IKZF2: variants seen among roughly 807,000 people sequenced by gnomAD.
IKZF2 encodes zinc finger protein Helios.
IKZF2 carries 15 observed loss-of-function variants against 49.2 expected under a neutral mutation model. The ratio of observed to expected loss-of-function variants is 0.30; its 90% CI spans 0.20 to 0.47. The LOEUF is 0.47. IKZF2 is among the 20% of genes least tolerant of loss of function. The pLI is 1.00. For missense variants in IKZF2, 567 were observed against 664.6 expected, an observed-to-expected ratio of 0.85 and a Z score of 1.61; for synonymous variants, 227 against 221.4, an observed-to-expected ratio of 1.03 and a Z score of -0.23.
chr2:213,035,007 C>A (rs1698861203), intron 6 of IKZF2, among the ~76,000 whole-genome samples: 1 of 152,138 alleles, frequency 6.6e-6, no homozygotes, highest in Non-Finnish European at 1.5e-5. Context: ...AATTCAGAAG[C>A]AAATAGCTTG....
In IKZF2 at chr2:213,005,185, G is replaced by T. The variant is rs1032305023; in HGVS notation, c.*2175C>A. 7.7e-6 allele frequency: 1 copy of T among 130,096 alleles called. No homozygotes were observed. Among genetic ancestry groups the T allele is most frequent in the Non-Finnish European group, 1.7e-5 (1 of 58,654 alleles). 8.1% of individuals were successfully genotyped at this position (130,096 alleles called of 1,614,324 possible). On this transcript the variant is annotated 3_prime_UTR_variant, in exon 9 of 9. Transcript: ENST00000434687. Reference sequence around the variant, plus strand: ...GCATCCCAATTATTATTTGGGAGTGGTTGGGTGGGGGGGGGTGAGCGAGTC... The same window carrying T: ...GCATCCCAATTATTATTTGGGAGTGTTTGGGTGGGGGGGGGTGAGCGAGTC...
At chr2:213,151,787 G>GACGTGCGTGCGC, upstream of IKZF2, among the ~76,000 whole-genome samples, 1 of 147,210 alleles carries the variant, frequency 6.8e-6, no homozygotes, top group East Asian at 2.0e-4. Context: ...CGGGCGAGCG[G>GACGTGCGTGCGC]ACGTGCGTGC....
Position 213,004,820 on chromosome 2 carries a change from T to A in IKZF2, c.*2540A>T, listed in dbSNP as rs1203106619. The A allele has an allele frequency of 6.6e-6, 1 of 152,366 alleles. No individual in the cohort carries two copies. Among genetic ancestry groups the A allele is most frequent in the Non-Finnish European group, 1.5e-5 (1 of 67,936 alleles). The allele number at this position is 152,366 out of a possible 1,614,324, so 9.4% of individuals were successfully genotyped here. A position where few individuals can be genotyped will look rare whatever the true frequency, so the allele number is the denominator to read the frequency against. On this transcript the variant is annotated 3_prime_UTR_variant, in exon 9 of 9. Transcript: ENST00000434687. ...CCTCATGAAGCTAGGAAGATACAAGTATATGCTTGTAGCAAATGCACTCTC... is the reference window on the plus strand; with the variant it reads ...CCTCATGAAGCTAGGAAGATACAAGAATATGCTTGTAGCAAATGCACTCTC...
chr2:213,151,836 T>A (rs1385334628), upstream of IKZF2, among the ~76,000 whole-genome samples: 1 of 148,784 alleles, frequency 6.7e-6, no homozygotes, highest in African/African-American at 2.4e-5. Context: ...CGCCTGTGCG[T>A]GTGTGTATGA....
intron 4 of IKZF2, among the ~76,000 whole-genome samples, chr2:213,061,528 A>G (rs1220745337): frequency 1.3e-5 from 2 of 151,536 alleles, no homozygotes; most frequent in East Asian, 3.9e-4. Context: ...TTTTACTCAC[A>G]TAAGAATGAA....
At chr2:213,071,855 T>C (rs1185792707) in intron 4 of IKZF2, among the ~76,000 whole-genome samples, 2 of 151,992 alleles carry the variant, frequency 1.3e-5, no homozygotes, top group Admixed American at 1.3e-4. Flanking sequence ...TAATTGTCTT[T>C]TTTCACTATG....
At chr2:213,135,648 G>A (rs73079208) in intron 4 of IKZF2, among the ~76,000 whole-genome samples, 5,543 of 150,648 alleles carry the variant, frequency 0.037, 310 homozygotes, top group African/African-American at 0.12. Context: ...TCGTGACACC[G>A]TACTCCAGCC....
At chr2:213,092,538 CAAT>C (rs1574817514) in intron 4 of IKZF2, among the ~76,000 whole-genome samples, 1 of 152,080 alleles carries the variant, frequency 6.6e-6, no homozygotes, top group African/African-American at 2.4e-5. Context: ...TATCACCCAA[CAAT>C]GTTAGTCCCC....
chr2:213,123,641 A>G (rs1481819893), intron 4 of IKZF2, among the ~76,000 whole-genome samples: 1 of 152,194 alleles, frequency 6.6e-6, no homozygotes, highest in African/African-American at 2.4e-5. Flanking sequence ...AAAGTGCTTA[A>G]AAGTAACAAT....
At chr2:213,135,883 A>G (rs994794085) in intron 4 of IKZF2, among the ~76,000 whole-genome samples, 7 of 149,964 alleles carry the variant, frequency 4.7e-5, no homozygotes, top group Non-Finnish European at 7.4e-5. Flanking sequence ...CCCCGTCTCC[A>G]CTAAAAATGC....
intron 5 of IKZF2, among the ~76,000 whole-genome samples, chr2:213,054,491 A>C (rs1386852307): frequency 6.6e-6 from 1 of 152,176 alleles, no homozygotes; most frequent in African/African-American, 2.4e-5. Flanking sequence ...TTCTAGTCTC[A>C]AAATGGTATT....
At chr2:213,054,081 T>C (rs1700926554) in intron 5 of IKZF2, among the ~76,000 whole-genome samples, 2 of 152,128 alleles carry the variant, frequency 1.3e-5, no homozygotes, top group East Asian at 1.9e-4. Context: ...CTGTCTCTAC[T>C]AAAAATACAG....
intron 4 of IKZF2, among the ~76,000 whole-genome samples, chr2:213,074,354 A>G (rs908782920): frequency 6.6e-6 from 1 of 152,170 alleles, no homozygotes; most frequent in African/African-American, 2.4e-5. Context: ...TGTTGTTCCT[A>G]AGCTACAAAC....
chr2:213,022,191 A>AAAGT, intron 6 of IKZF2, 61 bp from the exon 7 acceptor site: 2 of 1,441,856 alleles, frequency 1.4e-6, no homozygotes, highest in Non-Finnish European at 1.8e-6. Context: ...AGCAAAATCA[A>AAAGT]TAGCTAACTT....
chr2:213,073,209 G>A (rs1054079835), intron 4 of IKZF2, among the ~76,000 whole-genome samples: 9 of 152,030 alleles, frequency 5.9e-5, no homozygotes, highest in African/African-American at 1.9e-4. Flanking sequence ...AAGTTAATAC[G>A]AGGAGCTAAT....
At chr2:213,092,655 T>C (rs1393363192) in intron 4 of IKZF2, among the ~76,000 whole-genome samples, 2 of 152,192 alleles carry the variant, frequency 1.3e-5, no homozygotes, top group East Asian at 1.9e-4. Context: ...TGTTTGCAAC[T>C]ACCATTACCA....
intron 4 of IKZF2, among the ~76,000 whole-genome samples, chr2:213,097,085 C>A (rs1191520028): frequency 1.3e-5 from 2 of 151,686 alleles, no homozygotes; most frequent in Non-Finnish European, 2.9e-5. Flanking sequence ...TTTTTAAAGA[C>A]CAAGAGATAA....
intron 5 of IKZF2, among the ~76,000 whole-genome samples, chr2:213,054,799 A>G (rs1235190033): frequency 6.6e-6 from 1 of 152,134 alleles, no homozygotes; most frequent in Non-Finnish European, 1.5e-5. Context: ...TATTCCTAGG[A>G]TTTGTGGAAA....
intron 4 of IKZF2, among the ~76,000 whole-genome samples, chr2:213,133,311 G>T (rs1234265110): frequency 1.3e-5 from 2 of 152,112 alleles, no homozygotes; most frequent in Non-Finnish European, 2.9e-5. Flanking sequence ...TACAAATAAA[G>T]CTGAGCTTCC....
Sources: gnomAD v4.1 joint callset for allele counts (sites outside exome capture counted in the v4.1 genomes callset) on GRCh38, gnomAD v4.1.1 for gene constraint, MANE v1.5 for transcripts, NCBI Gene and HGNC (gene_info 2026-07-23, HGNC 2026-07-21) for gene names.